The following OXR1 variants were observed in gnomAD, a reference collection of about 807,000 sequenced individuals.
OXR1 encodes oxidation resistance 1, also known as oxidation resistance protein 1.
A neutral mutation model predicts 104.6 loss-of-function variants in OXR1; 41 were observed. The ratio of observed to expected loss-of-function variants is 0.39; its 90% CI spans 0.31 to 0.51. OXR1 has a LOEUF of 0.51. Among genes scored for constraint, OXR1 ranks in the 20% least tolerant of loss-of-function variants. The pLI is 0.77. For synonymous variants in OXR1, 348 were observed against 348.4 expected, an observed-to-expected ratio of 1.00 and a Z score of 0.01; for missense variants, 955 against 1,031.9, an observed-to-expected ratio of 0.93 and a Z score of 1.02.
intron 3 of OXR1, among the ~76,000 whole-genome samples, chr8:106,667,137 A>G (rs80044967): frequency 6.6e-6 from 1 of 152,150 alleles, no homozygotes. Flanking sequence ...CAGGGTACAC[A>G]TTAGAATTCC....
chr8:106,750,440 C>G (rs1352485610), intron 16 of OXR1, among the ~76,000 whole-genome samples: 1 of 151,676 alleles, frequency 6.6e-6, no homozygotes, highest in Non-Finnish European at 1.5e-5. Context: ...CTTCTCCTGC[C>G]TCTGCCTCCC....
intron 2 of OXR1, among the ~76,000 whole-genome samples, chr8:106,506,808 G>A (rs1382810134): frequency 4.6e-5 from 7 of 152,008 alleles, no homozygotes; most frequent in Non-Finnish European, 8.8e-5. Flanking sequence ...ATGAGGACTT[G>A]GGTCAGGTGT....
chr8:106,582,475 C>G (rs1818323569), intron 3 of OXR1, among the ~76,000 whole-genome samples: 1 of 151,658 alleles, frequency 6.6e-6, no homozygotes, highest in Non-Finnish European at 1.5e-5. Flanking sequence ...TTGTGCCTGC[C>G]ATTGTAGAGC....
chr8:106,447,963 C>T (rs552852700), intron 2 of OXR1: 2 of 1,535,340 alleles, frequency 1.3e-6, no homozygotes, highest in Admixed American at 2.0e-5. Context: ...TAACAGAACT[C>T]TGATCAGATC....
chr8:106,405,237 G>GTA (rs1411612390), intron 2 of OXR1, among the ~76,000 whole-genome samples: 2 of 119,366 alleles, frequency 1.7e-5, no homozygotes, highest in African/African-American at 1.1e-4. Flanking sequence ...GTGTGTGTGT[G>GTA]TGTATAGGCT....
intron 6 of OXR1, among the ~76,000 whole-genome samples, chr8:106,691,619 CATATAT>C (rs35095319): frequency 5.7e-5 from 8 of 140,960 alleles, no homozygotes; most frequent in Admixed American, 1.4e-4. Context: ...CATATATATA[CATATAT>C]ATATATATAT....
chr8:106,497,168 A>G (rs1406886401), intron 2 of OXR1, among the ~76,000 whole-genome samples: 5 of 152,234 alleles, frequency 3.3e-5, no homozygotes, highest in Non-Finnish European at 7.3e-5. Context: ...TGTAAAGTGC[A>G]CTAGTTCAGC....
At chr8:106,316,385 A>G (rs576216082) in intron 1 of OXR1, among the ~76,000 whole-genome samples, 4 of 151,714 alleles carry the variant, frequency 2.6e-5, no homozygotes, top group African/African-American at 7.3e-5. Context: ...ATCAATCTTT[A>G]TTGAAAAGAA....
intron 3 of OXR1, among the ~76,000 whole-genome samples, chr8:106,534,377 G>A (rs1814323079): frequency 6.6e-6 from 1 of 152,118 alleles, no homozygotes; most frequent in Admixed American, 6.5e-5. Context: ...CCAGTTCCCA[G>A]TCCTTAACAC....
intron 2 of OXR1, among the ~76,000 whole-genome samples, chr8:106,462,569 A>G (rs1345593937): frequency 6.6e-6 from 1 of 152,168 alleles, no homozygotes. Flanking sequence ...AAACATTATC[A>G]TGGTGAAAAC....
chr8:106,519,403 G>T (rs1281243175), intron 3 of OXR1, among the ~76,000 whole-genome samples: 1 of 152,192 alleles, frequency 6.6e-6, no homozygotes, highest in South Asian at 2.1e-4. Flanking sequence ...GTACATATAC[G>T]TACACATATA....
chr8:106,691,641 T>TATAC (rs56831509), intron 6 of OXR1, among the ~76,000 whole-genome samples: 67 of 115,004 alleles, frequency 5.8e-4, no homozygotes, highest in South Asian at 4.4e-3. Context: ...TATATATATA[T>TATAC]ACACACACAT....
chr8:106,589,208 TG>T (rs1162217125), intron 3 of OXR1, among the ~76,000 whole-genome samples: 1 of 152,146 alleles, frequency 6.6e-6, no homozygotes, highest in East Asian at 1.9e-4. Context: ...CAGGCAGATG[TG>T]GGTTGTAAAA....
chr8:106,726,073 A>T, intron 11 of OXR1: 1 of 964,374 alleles, frequency 1.0e-6, no homozygotes, highest in Non-Finnish European at 1.4e-6. Context: ...TGCTATGGAT[A>T]CTACTTAGTG....
At chr8:106,276,753 CAA>C (rs56303147) in intron 1 of OXR1, among the ~76,000 whole-genome samples, 23 of 77,734 alleles carry the variant, frequency 3.0e-4, no homozygotes, top group Middle Eastern at 7.4e-3. Flanking sequence ...CTGTTAGAGG[CAA>C]AAAAAAAAAA....
chr8:106,676,805 A>G (rs1827638383), intron 3 of OXR1, among the ~76,000 whole-genome samples: 2 of 152,262 alleles, frequency 1.3e-5, no homozygotes, highest in African/African-American at 4.8e-5. Context: ...AGATCTGTGA[A>G]TAAACATTTT....
chr8:106,462,078 G>T (rs1173069051), intron 2 of OXR1, among the ~76,000 whole-genome samples: 1 of 152,118 alleles, frequency 6.6e-6, no homozygotes, highest in Non-Finnish European at 1.5e-5. Flanking sequence ...TGACCTTACA[G>T]ACTGGTTTTT....
At chr8:106,577,378 C>CT (rs5893798) in intron 3 of OXR1, among the ~76,000 whole-genome samples, 1,098 of 43,606 alleles carry the variant, frequency 0.025, 182 homozygotes, top group African/African-American at 0.05. Context: ...GCCCAGCTAA[C>CT]TTTTTTTTTT....
At chr8:106,412,642 T>C (rs1818504476) in intron 2 of OXR1, among the ~76,000 whole-genome samples, 1 of 152,140 alleles carries the variant, frequency 6.6e-6, no homozygotes, top group Non-Finnish European at 1.5e-5. Flanking sequence ...CAAAACTTTA[T>C]TCTCAAATAA....
Sources: allele counts gnomAD v4.1 joint callset (sites outside exome capture counted in the v4.1 genomes callset), GRCh38; gene constraint gnomAD v4.1.1; transcripts MANE v1.5; gene names NCBI Gene and HGNC (gene_info 2026-07-23, HGNC 2026-07-21).